Variants in S1PR2 observed in about 807,000 individuals in gnomAD.
The protein encoded by S1PR2 is sphingosine-1-phosphate receptor 2.
In S1PR2, 9 loss-of-function variants were observed where a neutral mutation model predicts 16.1. The observed-to-expected ratio is 0.56, with a 90% CI of 0.34 to 0.98. The LOEUF is 0.98. Among genes scored for constraint, S1PR2 ranks in the 50% least tolerant of loss-of-function variants. The probability of loss-of-function intolerance (pLI) is 0.02; values close to 1 mark genes in which losing one functional copy is unlikely to be tolerated. For missense variants in S1PR2, 361 were observed against 488.4 expected, an observed-to-expected ratio of 0.74 and a Z score of 2.46; for synonymous variants, 224 against 233.9, an observed-to-expected ratio of 0.96 and a Z score of 0.38.
At chr19:10,224,995 C>T in intron 1 of S1PR2, 48 bp from the exon 2 acceptor site, 1 of 1,097,428 alleles carries the variant, frequency 9.1e-7, no homozygotes, top group Non-Finnish European at 1.3e-6. Context: ...AGAGCTGTGG[C>T]TGCTACCTGG....
intron 1 of S1PR2, among the ~76,000 whole-genome samples, chr19:10,229,691 T>C: frequency 6.6e-6 from 1 of 152,208 alleles, no homozygotes. Context: ...GTAGCCACCC[T>C]ACCTTATAGA....
chr19:10,227,062 AG>A (rs1487846071), intron 1 of S1PR2, among the ~76,000 whole-genome samples: 2 of 151,596 alleles, frequency 1.3e-5, no homozygotes, highest in African/African-American at 4.8e-5. Context: ...CTCGGCAGAG[AG>A]GATGAGAGGC....
chr19:10,228,818 G>C (rs1264735772), intron 1 of S1PR2, among the ~76,000 whole-genome samples: 3 of 152,186 alleles, frequency 2.0e-5, no homozygotes, highest in Non-Finnish European at 4.4e-5. Context: ...ACAAGTGATG[G>C]GGTTTGGAAG....
At chr19:10,230,508 AG>A (rs2039666521) in intron 1 of S1PR2, 1 of 154,450 alleles carries the variant, frequency 6.5e-6, no homozygotes, top group South Asian at 2.0e-4. Flanking sequence ...GAGACAGAGG[AG>A]GGGGTGGAAA....
At position 10,224,451 on chromosome 19, in the gene S1PR2, A is replaced by T; in HGVS notation, c.455T>A (p.Ile152Asn). ...CAGCGAGATGAGCCACGAGGCCCCG[A>T]TGAGCAGAAGCATGCGGCAGCTCTT... Reference protein sequence around the residue: ...SDKSCRMLLLIGASWLISLVL... With the variant: ...SDKSCRMLLLNGASWLISLVL... Residue 152 changes from isoleucine (I) to asparagine (N), a missense_variant, in exon 2 of 2, where the codon ATC becomes AAC. Ile to Asn is a moderately radical substitution (Grantham distance 149, BLOSUM62 -3). Transcript: ENST00000646641. The T allele has an allele frequency of 6.2e-7, 1 of 1,613,764 alleles. No homozygotes were observed. The highest frequency in any genetic ancestry group is 8.5e-7 in the Non-Finnish European group (1 of 1,179,938).
At chr19:10,226,805 T>A (rs1262052856) in intron 1 of S1PR2, among the ~76,000 whole-genome samples, 1 of 151,842 alleles carries the variant, frequency 6.6e-6, no homozygotes, top group African/African-American at 2.4e-5. Context: ...AGAGACCCCA[T>A]CTGGGAGGTC....
At chr19:10,226,071 T>C (rs897499295) in intron 1 of S1PR2, among the ~76,000 whole-genome samples, 6 of 152,216 alleles carry the variant, frequency 3.9e-5, no homozygotes, top group Non-Finnish European at 8.8e-5. Flanking sequence ...GAGCAAGCCC[T>C]AGGCAGGTCC....
chr19:10,224,131 A>G lies in S1PR2; in HGVS notation c.775T>C (p.Cys259Arg). ...AFSILLLDYA[C>R]PVHSCPILYK... ...AGGATCGGGCAGGAGTGGACGGGAC[A>G]GGCATAGTCCAGAAGGAGGATGCTG... Residue 259 changes from cysteine (C) to arginine (R), a missense_variant, in exon 2 of 2, where the codon TGT becomes CGT. Physicochemically the swap from Cys to Arg is radical, Grantham distance 180. Coordinates refer to ENST00000646641, the MANE Select transcript of S1PR2 (RefSeq NM_004230.4). 1 of 1,605,124 alleles carries G rather than the reference A, an allele frequency of 6.2e-7. No individual in the cohort carries two copies. Among genetic ancestry groups the G allele is most frequent in the Non-Finnish European group, 8.5e-7 (1 of 1,179,996 alleles).
Position 10,223,800 on chromosome 19 carries a change from A to C in S1PR2, c.*44T>G. 6.7e-7 allele frequency: 1 copy of C among 1,499,650 alleles called. No homozygotes were observed. Among genetic ancestry groups the C allele is most frequent in the Non-Finnish European group, 8.9e-7 (1 of 1,120,974 alleles). The allele number at this position is 1,499,650 out of a possible 1,614,324, so 92.9% of individuals were successfully genotyped here. On this transcript the variant is annotated 3_prime_UTR_variant, in exon 2 of 2. Transcript: ENST00000646641. ...TCTGGGGTCACCCAGTGGCCTCTCC[A>C]TGAACCCCTCTGCCCTGGCCTGGTT...
At chr19:10,227,436 A>C (rs977762737) in intron 1 of S1PR2, among the ~76,000 whole-genome samples, 13 of 152,254 alleles carry the variant, frequency 8.5e-5, no homozygotes, top group Admixed American at 8.5e-4. Context: ...GGGAACAGAC[A>C]AGGGCTTGTG....
At chr19:10,230,910 G>A (rs2145447643) in intron 1 of S1PR2, among the ~76,000 whole-genome samples, 1 of 152,280 alleles carries the variant, frequency 6.6e-6, no homozygotes, top group Admixed American at 6.5e-5. Context: ...CCCGAGCACG[G>A]CGTCCTGCCT....
In S1PR2 at chr19:10,222,976, G is replaced by C. The variant is rs1201243926; in HGVS notation, c.*868C>G. Reference sequence around the variant, plus strand: ...AGTTCGAGACCAGCCTGGCCAACATGGTGAAACCCCGTCTCTACTAAAAAT... The same window carrying C: ...AGTTCGAGACCAGCCTGGCCAACATCGTGAAACCCCGTCTCTACTAAAAAT... On this transcript the variant is annotated 3_prime_UTR_variant, in exon 2 of 2. Coordinates refer to ENST00000646641, the MANE Select transcript of S1PR2 (RefSeq NM_004230.4). 3 of 150,362 alleles carry C rather than the reference G, an allele frequency of 2.0e-5. No homozygotes were observed. Among genetic ancestry groups the C allele is most frequent in the Admixed American group, 6.7e-5 (1 of 14,952 alleles). 9.3% of individuals were successfully genotyped at this position (150,362 alleles called of 1,614,324 possible).
At chr19:10,229,752 C>A (rs532179990) in intron 1 of S1PR2, among the ~76,000 whole-genome samples, 4 of 152,002 alleles carry the variant, frequency 2.6e-5, no homozygotes, top group Non-Finnish European at 5.9e-5. Context: ...CTCCCCTGAC[C>A]CCCAGTCTAC....
In S1PR2 at chr19:10,224,956, A is replaced by AAGACAGAC. The variant is rs754625300; in HGVS notation, c.-42-17_-42-10dup. On this transcript the variant is annotated splice_polypyrimidine_tract_variant and intron_variant, in intron 1 of 1. Transcript: ENST00000646641. ...CCATGGGGCTTTCAGAACTGCAGAG[A>AAGACAGAC]AGACAGACAGACAGACAGACAATAG... is the stretch of plus-strand genomic sequence containing the variant. 4 of 1,454,082 alleles carry AAGACAGAC rather than the reference A, an allele frequency of 2.8e-6. No homozygotes were observed. Among genetic ancestry groups the AAGACAGAC allele is most frequent in the East Asian group, 2.3e-5 (1 of 44,042 alleles). 90.1% of individuals were successfully genotyped at this position (1,454,082 alleles called of 1,614,324 possible). A position where few individuals can be genotyped will look rare whatever the true frequency, so the allele number is the denominator to read the frequency against.
chr19:10,225,801 A>C (rs919852577), intron 1 of S1PR2, among the ~76,000 whole-genome samples: 1 of 151,964 alleles, frequency 6.6e-6, no homozygotes, highest in African/African-American at 2.4e-5. Flanking sequence ...TCTCAAAGCA[A>C]TGAGATTACA....
intron 1 of S1PR2, among the ~76,000 whole-genome samples, chr19:10,228,824 G>A (rs943373694): frequency 6.6e-6 from 1 of 152,172 alleles, no homozygotes; most frequent in Non-Finnish European, 1.5e-5. Context: ...GATGGGGTTT[G>A]GAAGGAAGGG....
In S1PR2 at chr19:10,224,160, G is replaced by A; in HGVS notation, c.746C>T (p.Ala249Val). Residue 249 changes from alanine (A) to valine (V), a missense_variant, in exon 2 of 2, where the codon GCC becomes GTC. Ala to Val is a moderately conservative substitution (Grantham distance 64). Coordinates refer to ENST00000646641, the MANE Select transcript of S1PR2 (RefSeq NM_004230.4). ...LGVFIVCWLP[A>V]FSILLLDYAC... ...ATAGTCCAGAAGGAGGATGCTGAAG[G>A]CGGGCAGCCAGCAGACGATAAAGAC... 6.2e-7 allele frequency: 1 copy of A among 1,607,150 alleles called. No homozygotes were observed. Among genetic ancestry groups the A allele is most frequent in the South Asian group, 1.1e-5 (1 of 91,088 alleles).
chr19:10,228,354 C>T (rs1255673801), intron 1 of S1PR2, among the ~76,000 whole-genome samples: 3 of 152,010 alleles, frequency 2.0e-5, no homozygotes, highest in Non-Finnish European at 4.4e-5. Flanking sequence ...ATGTGTTCAG[C>T]CCTTGCACCC....
chr19:10,230,872 C>G (rs573674327), intron 1 of S1PR2, among the ~76,000 whole-genome samples: 31 of 152,206 alleles, frequency 2.0e-4, no homozygotes, highest in Non-Finnish European at 2.8e-4. Flanking sequence ...GTTGCCCCCC[C>G]CCAAACACAC....
Sources: allele counts gnomAD v4.1 joint callset (sites outside exome capture counted in the v4.1 genomes callset), GRCh38; gene constraint gnomAD v4.1.1; transcripts MANE v1.5; gene names NCBI Gene and HGNC (gene_info 2026-07-23, HGNC 2026-07-21).